NTNG2: variants seen among roughly 807,000 people sequenced by gnomAD.
NTNG2 encodes the protein netrin G2.
NTNG2 carries 15 observed loss-of-function variants against 47.6 expected under a neutral mutation model. The observed-to-expected ratio is 0.32, with a 90% CI of 0.21 to 0.49. NTNG2 has a LOEUF of 0.49. NTNG2 is among the 20% of genes least tolerant of loss of function. NTNG2 has a pLI of 0.99. For synonymous variants in NTNG2, 307 were observed against 324.6 expected, an observed-to-expected ratio of 0.95 and a Z score of 0.58; for missense variants, 578 against 764.6, an observed-to-expected ratio of 0.76 and a Z score of 2.88.
At chr9:132,232,358 A>G (rs1344863000) in intron 5 of NTNG2, 4 of 152,750 alleles carry the variant, frequency 2.6e-5, no homozygotes, top group Non-Finnish European at 5.8e-5. Flanking sequence ...GAGTTTGGAC[A>G]CCGTGGGCTG....
At chr9:132,238,591 C>T (rs1168933016) in intron 5 of NTNG2, among the ~76,000 whole-genome samples, 4 of 152,206 alleles carry the variant, frequency 2.6e-5, no homozygotes, top group African/African-American at 7.2e-5. Context: ...AGCCATCTTC[C>T]AAAGCAGCAT....
intron 2 of NTNG2, among the ~76,000 whole-genome samples, chr9:132,188,157 C>A (rs1445085019): frequency 6.6e-6 from 1 of 152,246 alleles, no homozygotes. Context: ...ACGATTGCTT[C>A]CCCCGTGCTC....
chr9:132,165,886 G>A (rs374069014), intron 1 of NTNG2: 16 of 152,232 alleles, frequency 1.1e-4, no homozygotes, highest in African/African-American at 3.6e-4. Context: ...TTTCTCGGGA[G>A]ACTTTGCTAA....
chr9:132,167,004 G>T lies in NTNG2; in HGVS notation c.173G>T (p.Gly58Val). The change falls in exon 2 of 8, where the codon GGC becomes GTC. Residue 58 changes from glycine to valine, a missense_variant. Gly to Val is a moderately radical substitution (Grantham distance 109). Transcript: ENST00000393229. ...DYVKVKVEPS[G>V]ITCGDPPERF... ...GTCAAGGTGAAGGTGGAGCCCTCAG[G>T]CATCACATGTGGAGACCCCCCTGAG... is the stretch of plus-strand genomic sequence containing the variant. 1 of 1,614,266 alleles carries T rather than the reference G, an allele frequency of 6.2e-7. No homozygotes were observed. Among genetic ancestry groups the T allele is most frequent in the Non-Finnish European group, 8.5e-7 (1 of 1,180,042 alleles).
At chr9:132,191,600 G>T (rs1307671547) in intron 2 of NTNG2, among the ~76,000 whole-genome samples, 4 of 151,552 alleles carry the variant, frequency 2.6e-5, no homozygotes, top group Non-Finnish European at 5.9e-5. Context: ...GTCTTGCTCT[G>T]TCGCCCAGGC....
intron 3 of NTNG2, among the ~76,000 whole-genome samples, chr9:132,224,087 C>T (rs905694720): frequency 6.6e-6 from 1 of 151,854 alleles, no homozygotes; most frequent in Non-Finnish European, 1.5e-5. Context: ...TCCCGTGATG[C>T]CTTCTTCTTT....
intron 2 of NTNG2, among the ~76,000 whole-genome samples, chr9:132,170,073 G>GGACACACC (rs1460811213): frequency 4.1e-4 from 63 of 152,288 alleles, no homozygotes; most frequent in Middle Eastern, 6.8e-3. Context: ...TCAGTGGCAG[G>GGACACACC]TGCTACGTGT....
chr9:132,167,148 C>T (rs1835550965), intron 2 of NTNG2, 104 bp downstream of exon 2: 1 of 1,228,988 alleles, frequency 8.1e-7, no homozygotes, highest in African/African-American at 1.5e-5. Context: ...AGATGCAAGG[C>T]TGACTTTCCT....
intron 5 of NTNG2, among the ~76,000 whole-genome samples, chr9:132,237,779 G>C (rs1454270326): frequency 6.6e-6 from 1 of 152,232 alleles, no homozygotes; most frequent in African/African-American, 2.4e-5. Context: ...GCCAGAAATA[G>C]CCCATCCCGG....
intron 2 of NTNG2, among the ~76,000 whole-genome samples, chr9:132,168,025 G>T (rs1344286760): frequency 6.6e-6 from 1 of 152,246 alleles, no homozygotes; most frequent in African/African-American, 2.4e-5. Context: ...CGTAGGTAAA[G>T]TGTTCGGAAT....
At chr9:132,207,419 G>A (rs896152175) in intron 3 of NTNG2, among the ~76,000 whole-genome samples, 2 of 152,178 alleles carry the variant, frequency 1.3e-5, no homozygotes, top group African/African-American at 2.4e-5. Context: ...TTGCAGCTGC[G>A]TCACTCCAGT....
Position 132,198,620 on chromosome 9 carries a change from G to C in NTNG2, c.857+11G>C. ...CGAGGTCATCGGCAGGTAAGGCCGG[G>C]GGAAGCCCTGGATGTCACCTGCAAC... On this transcript the variant is annotated intron_variant, in intron 3 of 7. Transcript: ENST00000393229. The C allele has an allele frequency of 6.2e-7, 1 of 1,600,650 alleles. No homozygotes were observed.
chr9:132,238,830 T>G (rs1841806397), intron 5 of NTNG2: 3 of 514,678 alleles, frequency 5.8e-6, no homozygotes, highest in Non-Finnish European at 1.1e-5. Context: ...TAGCAGGAGC[T>G]GCCCACTGGC....
chr9:132,183,371 C>T (rs1292598025), intron 2 of NTNG2, among the ~76,000 whole-genome samples: 1 of 152,230 alleles, frequency 6.6e-6, no homozygotes, highest in African/African-American at 2.4e-5. Context: ...AAGCTCCTGG[C>T]TCAGCAGCGT....
Position 132,241,029 on chromosome 9 carries a change from C to T in NTNG2, c.1342C>T (p.Arg448Cys). The part of the protein sequence containing the change: ...CDDCLPTHYW[R>C]QGCYPNVCDD... ...CGACTGCCTCCCCACGCACTACTGG[C>T]GCCAGGGCTGCTACCGTGAGTGCGC... Residue 448 changes from arginine (R) to cysteine (C), a missense_variant, in exon 7 of 8, where the codon CGC becomes TGC. Coordinates refer to ENST00000393229, the MANE Select transcript of NTNG2 (RefSeq NM_032536.4). 1 of 1,603,966 alleles carries T rather than the reference C, an allele frequency of 6.2e-7. No individual in the cohort carries two copies. Among genetic ancestry groups the T allele is most frequent in the Non-Finnish European group, 8.5e-7 (1 of 1,178,186 alleles).
intron 2 of NTNG2, among the ~76,000 whole-genome samples, chr9:132,196,696 A>G (rs956681137): frequency 2.6e-5 from 4 of 152,112 alleles, no homozygotes; most frequent in African/African-American, 7.2e-5. Context: ...TGGGTTTTCC[A>G]CACCAACAAC....
intron 5 of NTNG2, among the ~76,000 whole-genome samples, chr9:132,237,285 C>T (rs975826529): frequency 3.3e-5 from 5 of 152,182 alleles, no homozygotes; most frequent in African/African-American, 1.2e-4. Context: ...GGGGCCTCTC[C>T]CTCCCTCACA....
At chr9:132,229,146 TC>T (rs2130954437) in intron 4 of NTNG2, among the ~76,000 whole-genome samples, 1 of 152,214 alleles carries the variant, frequency 6.6e-6, no homozygotes, top group East Asian at 1.9e-4. Flanking sequence ...AGGAGGGGTT[TC>T]TTCTGGCATT....
intron 3 of NTNG2, among the ~76,000 whole-genome samples, chr9:132,214,888 T>C (rs77271636): frequency 2.9e-4 from 41 of 141,300 alleles, no homozygotes; most frequent in African/African-American, 1.1e-3. Context: ...TTTTTTTTTT[T>C]AGAGACAGGG....
Sources: gnomAD v4.1 joint callset for allele counts (sites outside exome capture counted in the v4.1 genomes callset) on GRCh38, gnomAD v4.1.1 for gene constraint, MANE v1.5 for transcripts, NCBI Gene and HGNC (gene_info 2026-07-23, HGNC 2026-07-21) for gene names.